Variants in RBFOX1 observed in about 807,000 individuals in gnomAD.
RBFOX1 encodes the protein RNA binding fox-1 homolog 1, also known as RNA binding protein fox-1 homolog 1.
In RBFOX1, 8 loss-of-function variants were observed where a neutral mutation model predicts 57.7. The ratio of observed to expected loss-of-function variants is 0.14; its 90% CI spans 0.08 to 0.25. The LOEUF (loss-of-function observed/expected upper bound fraction) is 0.25, where lower values mean the gene tolerates loss of function less well. Ranked by LOEUF, RBFOX1 falls within the 10% of genes least tolerant of loss-of-function variation. The pLI, the probability that RBFOX1 is intolerant of heterozygous loss-of-function variation, is 1.00. For missense variants in RBFOX1, 611 were observed against 548.5 expected, an observed-to-expected ratio of 1.11 and a Z score of -1.14; for synonymous variants, 326 against 222.4, an observed-to-expected ratio of 1.47 and a Z score of -4.15.
intron 3 of RBFOX1, among the ~76,000 whole-genome samples, chr16:5,665,582 G>A (rs1233613266): frequency 2.0e-5 from 3 of 152,142 alleles, no homozygotes; most frequent in African/African-American, 7.2e-5. Context: ...GGGACCTTTG[G>A]GTCACCAGTC....
At chr16:7,088,920 C>T (rs1338248809) in intron 4 of RBFOX1, among the ~76,000 whole-genome samples, 2 of 152,164 alleles carry the variant, frequency 1.3e-5, no homozygotes, top group Non-Finnish European at 2.9e-5. Context: ...TTATCCGCTT[C>T]CCTCCAGTCC....
intron 1 of RBFOX1, among the ~76,000 whole-genome samples, chr16:5,401,548 G>A (rs774749033): frequency 6.6e-6 from 1 of 151,952 alleles, no homozygotes; most frequent in African/African-American, 2.4e-5. Flanking sequence ...CTTAATGCAG[G>A]GGATTTCAGA....
chr16:6,922,901 C>T (rs186948964), intron 3 of RBFOX1, among the ~76,000 whole-genome samples: 124 of 152,228 alleles, frequency 8.1e-4, no homozygotes, highest in Admixed American at 2.6e-3. Flanking sequence ...ACAAGGGGGT[C>T]TATATGTCTG....
At chr16:6,695,019 A>G (rs2060808060) in intron 3 of RBFOX1, among the ~76,000 whole-genome samples, 1 of 152,166 alleles carries the variant, frequency 6.6e-6, no homozygotes, top group Admixed American at 6.5e-5. Context: ...TAAAAGCTGC[A>G]TTTCATATTA....
rs74986758 is a variant in RBFOX1 at position 5,628,284 on chromosome 16, A to T, written c.318+29323A>T. On this transcript the variant is annotated intron_variant, in intron 3 of 19. Coordinates refer to the RBFOX1 transcript ENST00000641259. ...AGTCTCTTCTACCATGCAAATGGTGATCCTACCTGTGATACCAATTATCAC... is the reference window on the plus strand; with the variant it reads ...AGTCTCTTCTACCATGCAAATGGTGTTCCTACCTGTGATACCAATTATCAC... 5.9e-3 allele frequency among the ~76,000 whole-genome samples: 898 copies of T among 152,298 alleles called. 8 individuals carry two copies. The highest frequency in any genetic ancestry group is 0.021 in the African/African-American group (853 of 41,536).
intron 2 of RBFOX1, among the ~76,000 whole-genome samples, chr16:6,614,809 AG>A (rs2098119964): frequency 6.6e-6 from 1 of 152,176 alleles, no homozygotes; most frequent in Non-Finnish European, 1.5e-5. Flanking sequence ...ATATTGACCT[AG>A]GGACTCACCC....
Position 5,750,234 on chromosome 16 carries a change from C to G in RBFOX1, c.319-117069C>G, listed in dbSNP as rs2053142982. 3.3e-5 allele frequency among the ~76,000 whole-genome samples: 5 copies of G among 152,282 alleles called. No homozygotes were observed. The South Asian group carries it at 1.0e-3, about 32-fold the overall frequency. ...CCGATCATTCCTTTGGAAGCTTCGTCTCAGAGGGGCACCCGACTGCATGAG... is the reference window on the plus strand; with the variant it reads ...CCGATCATTCCTTTGGAAGCTTCGTGTCAGAGGGGCACCCGACTGCATGAG... On this transcript the variant is annotated intron_variant, in intron 3 of 19. Transcript: ENST00000641259.
intron 4 of RBFOX1, among the ~76,000 whole-genome samples, chr16:5,934,754 G>A (rs566996585): frequency 6.6e-6 from 1 of 152,282 alleles, no homozygotes; most frequent in East Asian, 1.9e-4. Flanking sequence ...ATTAATTAAT[G>A]TGGGGGACTG....
chr16:5,654,604 A>T (rs1219981488), intron 3 of RBFOX1, among the ~76,000 whole-genome samples: 1 of 151,946 alleles, frequency 6.6e-6, no homozygotes, highest in Non-Finnish European at 1.5e-5. Flanking sequence ...TTCGTTTCTC[A>T]TCCAGCCCCA....
intron 4 of RBFOX1, among the ~76,000 whole-genome samples, chr16:7,073,501 G>A (rs957168689): frequency 6.6e-6 from 1 of 152,060 alleles, no homozygotes; most frequent in African/African-American, 2.4e-5. Context: ...TTCGTTCTAT[G>A]TATTGAAATC....
At position 6,691,955 on chromosome 16, in the gene RBFOX1, C is replaced by G. The variant is rs561152320; in HGVS notation, c.-16+37305C>G. Among the ~76,000 whole-genome samples, 13 of 152,240 alleles carry G rather than the reference C, an allele frequency of 8.5e-5. No individual in the cohort carries two copies. In the South Asian group the frequency reaches 2.7e-3, roughly 32 times the overall value. Reference sequence around the variant, plus strand: ...CCATGGGCCATGGACTGTTGGTGGCCTTTTGAAGCTGGAAAAGTTAGGGAC... The same window carrying G: ...CCATGGGCCATGGACTGTTGGTGGCGTTTTGAAGCTGGAAAAGTTAGGGAC... On this transcript the variant is annotated intron_variant, in intron 3 of 15. Transcript: ENST00000550418.
rs528548323 is a variant in RBFOX1 at position 6,933,303 on chromosome 16, A to G, written c.-15-118754A>G. Among the ~76,000 whole-genome samples, 12 of 152,332 alleles carry G rather than the reference A, an allele frequency of 7.9e-5. No homozygotes were observed. In the East Asian group the frequency reaches 2.1e-3, roughly 27 times the overall value. ...AGAGTAATTTATTTATTTATTTTTT[A>G]GTAACCGACATACTCTTTTCCGTAG... On this transcript the variant is annotated intron_variant, in intron 3 of 15. Transcript: ENST00000550418.
At chr16:6,379,698 A>G (rs957912157) in intron 2 of RBFOX1, among the ~76,000 whole-genome samples, 1 of 150,262 alleles carries the variant, frequency 6.7e-6, no homozygotes, top group African/African-American at 2.4e-5. Flanking sequence ...AAAAAAAAAA[A>G]GTCTTGATGA....
At chr16:6,864,570 G>A (rs1257699869) in intron 3 of RBFOX1, among the ~76,000 whole-genome samples, 2 of 145,340 alleles carry the variant, frequency 1.4e-5, no homozygotes, top group Middle Eastern at 3.6e-3. Flanking sequence ...TTTTAATCAT[G>A]GCCTAATACA....
At chr16:6,259,555 C>G (rs17219189) in intron 1 of RBFOX1, among the ~76,000 whole-genome samples, 15,901 of 152,154 alleles carry the variant, frequency 0.1, 1,082 homozygotes, top group Non-Finnish European at 0.14. Context: ...TCCATGAGTT[C>G]CCTTTTATAG....
At position 7,016,001 on chromosome 16, in the gene RBFOX1, T is replaced by G. The variant is rs181691225; in HGVS notation, c.-15-36056T>G. Among the ~76,000 whole-genome samples, 205 of 152,286 alleles carry G rather than the reference T, an allele frequency of 1.3e-3. 1 individual carries two copies. Among genetic ancestry groups the G allele is most frequent in the Non-Finnish European group, 2.2e-3 (147 of 68,028 alleles). ...GGCAACACCAGTAGTTATTGCTGTG[T>G]GGTGATAGGGTTTCTTTCTTGGAAA... On this transcript the variant is annotated intron_variant, in intron 3 of 15. Coordinates refer to ENST00000550418, the MANE Select transcript of RBFOX1 (RefSeq NM_018723.4).
intron 2 of RBFOX1, among the ~76,000 whole-genome samples, chr16:6,442,678 G>A (rs1382878959): frequency 3.3e-5 from 5 of 152,042 alleles, no homozygotes; most frequent in Non-Finnish European, 7.4e-5. Context: ...CAAGTGTTTT[G>A]TGATATCAGT....
At chr16:6,396,784 T>C (rs1195933113) in intron 2 of RBFOX1, among the ~76,000 whole-genome samples, 1 of 152,068 alleles carries the variant, frequency 6.6e-6, no homozygotes, top group Non-Finnish European at 1.5e-5. Context: ...GAAGAAGCAG[T>C]TAACCCTGAC....
At chr16:6,948,448 T>C (rs1436924866) in intron 3 of RBFOX1, among the ~76,000 whole-genome samples, 1 of 144,610 alleles carries the variant, frequency 6.9e-6, no homozygotes, top group Non-Finnish European at 1.5e-5. Flanking sequence ...GTGCAGTTTA[T>C]CTCGGCTCAC....
Sources: gnomAD v4.1 joint callset for allele counts (sites outside exome capture counted in the v4.1 genomes callset) on GRCh38, gnomAD v4.1.1 for gene constraint, MANE v1.5 for transcripts, NCBI Gene and HGNC (gene_info 2026-07-23, HGNC 2026-07-21) for gene names.